LRFN5: variants seen among roughly 807,000 people sequenced by gnomAD.
The protein encoded by LRFN5 is leucine rich repeat and fibronectin type III domain containing 5.
A neutral mutation model predicts 45.6 loss-of-function variants in LRFN5; 24 were observed. The ratio of observed to expected loss-of-function variants is 0.53; its 90% CI spans 0.38 to 0.74. The LOEUF is 0.74. LRFN5 is among the 30% of genes least tolerant of loss of function. The probability of loss-of-function intolerance (pLI) is 0.00; values close to 1 mark genes in which losing one functional copy is unlikely to be tolerated. For missense variants in LRFN5, 776 were observed against 861.5 expected, an observed-to-expected ratio of 0.90 and a Z score of 1.24; for synonymous variants, 340 against 313.8, an observed-to-expected ratio of 1.08 and a Z score of -0.88.
At chr14:41,842,816 G>A (rs1888908509) in intron 2 of LRFN5, among the ~76,000 whole-genome samples, 2 of 151,882 alleles carry the variant, frequency 1.3e-5, no homozygotes, top group Non-Finnish European at 2.9e-5. Flanking sequence ...GGTGTTTTTG[G>A]CATTTTGATG....
intron 1 of LRFN5, among the ~76,000 whole-genome samples, chr14:41,625,571 G>A (rs937323839): frequency 2.0e-5 from 3 of 152,116 alleles, no homozygotes; most frequent in Admixed American, 6.6e-5. Context: ...TAGTATACAG[G>A]TATGGCATTG....
intron 1 of LRFN5, among the ~76,000 whole-genome samples, chr14:41,673,812 C>G (rs1027754228): frequency 1.3e-5 from 2 of 148,474 alleles, no homozygotes; most frequent in Non-Finnish European, 3.0e-5. Flanking sequence ...CCCCCCCCAC[C>G]TCATTCCCGG....
intron 1 of LRFN5, among the ~76,000 whole-genome samples, chr14:41,714,191 A>G (rs780203434): frequency 2.0e-5 from 3 of 152,192 alleles, no homozygotes; most frequent in Admixed American, 6.5e-5. Context: ...TGGATGGGAT[A>G]TGGAATTCAA....
At chr14:41,622,076 G>T (rs1208207699) in intron 1 of LRFN5, among the ~76,000 whole-genome samples, 3 of 150,734 alleles carry the variant, frequency 2.0e-5, no homozygotes, top group Admixed American at 6.6e-5. Flanking sequence ...TGCACTATTT[G>T]ATTTATTTAA....
chr14:41,690,020 A>C (rs1337170428), intron 1 of LRFN5, among the ~76,000 whole-genome samples: 1 of 152,152 alleles, frequency 6.6e-6, no homozygotes, highest in Non-Finnish European at 1.5e-5. Context: ...TCTCTTTTCA[A>C]AATAGGATGC....
Position 41,904,233 on chromosome 14 carries a change from T to A in LRFN5, c.*58T>A. The A allele has an allele frequency of 2.5e-6, 4 of 1,595,102 alleles. No individual in the cohort carries two copies. The highest frequency in any genetic ancestry group is 1.3e-5 in the African/African-American group (1 of 74,616). On this transcript the variant is annotated 3_prime_UTR_variant, in exon 6 of 6. Coordinates refer to ENST00000298119, the MANE Select transcript of LRFN5 (RefSeq NM_152447.5). ...ATTTGCCACTGATATTTTTACTGGATAAAATTCAAAAATGTTTCAATTCAC... is the reference window on the plus strand; with the variant it reads ...ATTTGCCACTGATATTTTTACTGGAAAAAATTCAAAAATGTTTCAATTCAC...
rs187045332 is a variant in LRFN5, at chr14:41,794,062, G to T, written c.-21+27033G>T. Among the ~76,000 whole-genome samples, 178 of 151,808 alleles carry T rather than the reference G, an allele frequency of 1.2e-3. 1 individual carries two copies. The highest frequency in any genetic ancestry group is 2.8e-3 in the Admixed American group (43 of 15,216). On this transcript the variant is annotated intron_variant, in intron 2 of 5. Coordinates refer to ENST00000298119, the MANE Select transcript of LRFN5 (RefSeq NM_152447.5). ...TTCATTATTATCTTCCTTTATTCCAGTGCTTTGGTTCTGCCCATATCAACT... is the reference window on the plus strand; with the variant it reads ...TTCATTATTATCTTCCTTTATTCCATTGCTTTGGTTCTGCCCATATCAACT...
chr14:41,865,125 T>C (rs1235468668), intron 2 of LRFN5, among the ~76,000 whole-genome samples: 1 of 152,156 alleles, frequency 6.6e-6, no homozygotes, highest in Non-Finnish European at 1.5e-5. Context: ...CTGTGCAATC[T>C]AGTGTTTTTT....
rs1890797006 is a variant in LRFN5 at position 41,891,861 on chromosome 14, A to G, written c.1997A>G (p.Gln666Arg). Residue 666 changes from glutamine (Q) to arginine (R), a missense_variant, in exon 4 of 6, where the codon CAA (glutamine) becomes CGA (arginine). By Grantham distance (43) the Gln-to-Arg change is conservative. Coordinates refer to ENST00000298119, the MANE Select transcript of LRFN5 (RefSeq NM_152447.5). ...GAAGCCGTCACAAATGTTGAATCCC[A>G]AAACACTAACAGGAACAACTCAACT... is the stretch of plus-strand genomic sequence containing the variant. Reference protein sequence around the residue: ...QNEAVTNVESQNTNRNNSTAL... With the variant: ...QNEAVTNVESRNTNRNNSTAL... 6.2e-7 allele frequency: 1 copy of G among 1,614,228 alleles called. No homozygotes were observed. The highest frequency in any genetic ancestry group is 1.1e-5 in the South Asian group (1 of 91,084).
intron 2 of LRFN5, among the ~76,000 whole-genome samples, chr14:41,780,811 C>T (rs1251479787): frequency 1.3e-5 from 2 of 151,802 alleles, no homozygotes; most frequent in African/African-American, 4.8e-5. Flanking sequence ...TCCACCTTCT[C>T]TCCTTATGTA....
chr14:41,767,524 A>T (rs1014954573), intron 2 of LRFN5, among the ~76,000 whole-genome samples: 17 of 152,186 alleles, frequency 1.1e-4, no homozygotes, highest in Admixed American at 1.3e-4. Context: ...TAGAAAGAGC[A>T]CTTTTCCTGA....
At chr14:41,620,285 A>G (rs1389685201) in intron 1 of LRFN5, among the ~76,000 whole-genome samples, 4 of 152,282 alleles carry the variant, frequency 2.6e-5, no homozygotes, top group Non-Finnish European at 5.9e-5. Context: ...ATATTTTAAA[A>G]GCAACGTCTC....
At chr14:41,828,864 T>C (rs1007014382) in intron 2 of LRFN5, among the ~76,000 whole-genome samples, 3 of 151,988 alleles carry the variant, frequency 2.0e-5, no homozygotes, top group Admixed American at 1.3e-4. Flanking sequence ...CTCTCTAGAC[T>C]TACCTGATGC....
intron 1 of LRFN5, among the ~76,000 whole-genome samples, chr14:41,676,607 C>G (rs1881640432): frequency 6.6e-6 from 1 of 152,052 alleles, no homozygotes; most frequent in Non-Finnish European, 1.5e-5. Flanking sequence ...CTCTCGGGGT[C>G]TGGAGAATGT....
intron 1 of LRFN5, among the ~76,000 whole-genome samples, chr14:41,630,292 GC>G (rs1471896299): frequency 6.6e-6 from 1 of 152,116 alleles, no homozygotes; most frequent in African/African-American, 2.4e-5. Flanking sequence ...TCACTTTAGG[GC>G]AAAGACTTTT....
intron 1 of LRFN5, among the ~76,000 whole-genome samples, chr14:41,765,504 T>C (rs1483979867): frequency 6.6e-6 from 1 of 152,206 alleles, no homozygotes; most frequent in Non-Finnish European, 1.5e-5. Flanking sequence ...GAGGAGGACA[T>C]CTTACTTTGG....
rs559873046 is a variant in LRFN5 at position 41,788,194 on chromosome 14, A to G, written c.-21+21165A>G. Among the ~76,000 whole-genome samples the G allele has an allele frequency of 3.3e-5, 5 of 152,260 alleles. No homozygotes were observed. The South Asian group carries it at 1.0e-3, about 32-fold the overall frequency. On this transcript the variant is annotated intron_variant, in intron 2 of 5. Coordinates refer to ENST00000298119, the MANE Select transcript of LRFN5 (RefSeq NM_152447.5). The stretch of plus-strand genomic sequence containing the variant: ...GTTATATTATTTTATTTATTGTGCT[A>G]GAGTTCATAGACTTACTTGAATCTA...
intron 1 of LRFN5, among the ~76,000 whole-genome samples, chr14:41,643,442 A>G (rs1879671478): frequency 6.6e-6 from 1 of 152,130 alleles, no homozygotes; most frequent in Non-Finnish European, 1.5e-5. Flanking sequence ...TATTTTTGAA[A>G]TAAATCCCCT....
intron 2 of LRFN5, among the ~76,000 whole-genome samples, chr14:41,776,818 G>GC (rs1464360718): frequency 6.6e-6 from 1 of 151,892 alleles, no homozygotes; most frequent in Non-Finnish European, 1.5e-5. Flanking sequence ...ATTTTCCTAG[G>GC]CATTCTTTAG....
Sources: gnomAD v4.1 joint callset for allele counts (sites outside exome capture counted in the v4.1 genomes callset) on GRCh38, gnomAD v4.1.1 for gene constraint, MANE v1.5 for transcripts, NCBI Gene and HGNC (gene_info 2026-07-23, HGNC 2026-07-21) for gene names.